Variants in ABCD3 observed in about 807,000 individuals in gnomAD.
The protein encoded by ABCD3 is ATP binding cassette subfamily D member 3.
A neutral mutation model predicts 105.5 loss-of-function variants in ABCD3; 41 were observed. The observed-to-expected ratio is 0.39, with a 90% CI of 0.30 to 0.50. The LOEUF is 0.50. Among genes scored for constraint, ABCD3 ranks in the 20% least tolerant of loss-of-function variants. The probability of loss-of-function intolerance (pLI) is 0.84; values close to 1 mark genes in which losing one functional copy is unlikely to be tolerated. For missense variants in ABCD3, 622 were observed against 806.3 expected, an observed-to-expected ratio of 0.77 and a Z score of 2.77; for synonymous variants, 258 against 269.0, an observed-to-expected ratio of 0.96 and a Z score of 0.40.
intron 20 of ABCD3, among the ~76,000 whole-genome samples, chr1:94,504,627 C>T (rs190357079): frequency 9.9e-5 from 15 of 152,162 alleles, no homozygotes. Flanking sequence ...GGGGTTAGAG[C>T]GTGAGTAGAA....
intron 1 of ABCD3, among the ~76,000 whole-genome samples, chr1:94,452,899 A>G (rs1647325736): frequency 6.6e-6 from 1 of 151,900 alleles, no homozygotes; most frequent in Non-Finnish European, 1.5e-5. Context: ...CACCACGCCC[A>G]GCTAATTTTT....
chr1:94,495,362 A>G (rs532221069), intron 16 of ABCD3, among the ~76,000 whole-genome samples: 3 of 152,194 alleles, frequency 2.0e-5, no homozygotes, highest in Admixed American at 1.3e-4. Flanking sequence ...CAATAATACA[A>G]TGCTGTTAAG....
intron 7 of ABCD3, among the ~76,000 whole-genome samples, chr1:94,477,222 T>C (rs1441510440): frequency 6.6e-5 from 2 of 30,188 alleles, no homozygotes; most frequent in African/African-American, 2.6e-4. Context: ...TGATAACTTA[T>C]AAGGCAAAAA....
At chr1:94,417,347 G>T (rs1659055578), upstream of ABCD3, among the ~76,000 whole-genome samples, 1 of 152,158 alleles carries the variant, frequency 6.6e-6, no homozygotes, top group Non-Finnish European at 1.5e-5. Context: ...TACTTTGTAG[G>T]CTACTTTAAT....
intron 16 of ABCD3, 43 bp from the exon 17 acceptor site, chr1:94,498,559 T>G (rs1198178801): frequency 1.9e-6 from 3 of 1,590,682 alleles, no homozygotes; most frequent in Admixed American, 1.7e-5. Context: ...ATATGTTAAT[T>G]TGATTTAATT....
rs1649993029 is a variant in ABCD3 at position 94,499,578 on chromosome 1, G to A, written c.1704G>A (p.Met568Ile). The change falls in exon 20 of 23, where the codon ATG becomes ATA. Residue 568 changes from methionine (M) to isoleucine (I), a missense_variant. Physicochemically the swap from Met to Ile is conservative, Grantham distance 10. This residue lies in a region of ABCD3 where 285 missense variants were observed against 352.5 expected (regional missense o/e 0.81). Transcript: ENST00000370214. ...EGGWDSVQDWMDVLSGGEKQR... is the reference protein window; with the variant it reads ...EGGWDSVQDWIDVLSGGEKQR... ...GCTGGGACAGTGTTCAGGATTGGAT[G>A]GACGTACTCAGTGGTGGAGAAAAGC... 1 of 1,613,690 alleles carries A rather than the reference G, an allele frequency of 6.2e-7. No individual in the cohort carries two copies. Among genetic ancestry groups the A allele is most frequent in the South Asian group, 1.1e-5 (1 of 91,080 alleles).
intron 1 of ABCD3, among the ~76,000 whole-genome samples, chr1:94,455,574 CT>C (rs1647511268): frequency 6.6e-6 from 1 of 152,158 alleles, no homozygotes; most frequent in Non-Finnish European, 1.5e-5. Flanking sequence ...ATCCTCCCAC[CT>C]TAACCTCCCA....
the ABCD3 span, among the ~76,000 whole-genome samples, chr1:94,405,801 T>G: frequency 2.0e-5 from 3 of 152,328 alleles, no homozygotes; most frequent in East Asian, 5.8e-4. Flanking sequence ...TCCTTAAGTT[T>G]TATAAGTTCT....
At chr1:94,396,610 TGC>T in the ABCD3 span, among the ~76,000 whole-genome samples, 24 of 144,078 alleles carry the variant, frequency 1.7e-4, no homozygotes, top group African/African-American at 4.7e-4. Flanking sequence ...TGTGTGTGTG[TGC>T]GCGCGCGCAC....
intron 1 of ABCD3, among the ~76,000 whole-genome samples, chr1:94,428,482 A>G (rs1659554083): frequency 6.6e-6 from 1 of 152,236 alleles, no homozygotes; most frequent in Admixed American, 6.5e-5. Flanking sequence ...TTTTAAAAAT[A>G]TTTATACAGC....
intron 5 of ABCD3, 135 bp downstream of exon 5, chr1:94,473,970 A>T: frequency 1.5e-6 from 1 of 675,258 alleles, no homozygotes; most frequent in Admixed American, 2.9e-5. Context: ...TTTGTAATTT[A>T]TAATATAATT....
At chr1:94,414,060 G>C (rs948498129), upstream of ABCD3, among the ~76,000 whole-genome samples, 3 of 152,134 alleles carry the variant, frequency 2.0e-5, no homozygotes, top group Non-Finnish European at 2.9e-5. Context: ...TGAATAGCAG[G>C]CATCTATCTC....
intron 1 of ABCD3, among the ~76,000 whole-genome samples, chr1:94,443,702 A>G (rs1382006340): frequency 2.0e-5 from 3 of 152,100 alleles, no homozygotes; most frequent in Non-Finnish European, 2.9e-5. Flanking sequence ...CTACATGGCT[A>G]TGTAATTTTC....
At chr1:94,445,486 A>G (rs1228545992) in intron 1 of ABCD3, among the ~76,000 whole-genome samples, 1 of 152,146 alleles carries the variant, frequency 6.6e-6, no homozygotes, top group East Asian at 1.9e-4. Context: ...CCACCTTGGA[A>G]CCTTTTCACA....
intron 16 of ABCD3, among the ~76,000 whole-genome samples, chr1:94,492,684 G>A (rs958603798): frequency 1.1e-4 from 16 of 152,078 alleles, no homozygotes; most frequent in South Asian, 4.1e-4. Context: ...TAAAAAGGAC[G>A]TGAGACTTCG....
chr1:94,445,867 G>A (rs1406194929), intron 1 of ABCD3, among the ~76,000 whole-genome samples: 1 of 152,094 alleles, frequency 6.6e-6, no homozygotes, highest in African/African-American at 2.4e-5. Flanking sequence ...GCTGCTCTGC[G>A]ACCTATTAGA....
At chr1:94,467,840 A>G (rs1488561022) in intron 3 of ABCD3, 79 bp from the exon 4 acceptor site, 2 of 1,065,172 alleles carry the variant, frequency 1.9e-6, no homozygotes, top group African/African-American at 3.1e-5. Context: ...TTTGGAAACC[A>G]AAAATTGTTA....
chr1:94,402,163 G>A, the ABCD3 span, among the ~76,000 whole-genome samples: 1 of 152,134 alleles, frequency 6.6e-6, no homozygotes, highest in Non-Finnish European at 1.5e-5. Flanking sequence ...TTCATTGTCT[G>A]GATATACCAC....
intron 1 of ABCD3, among the ~76,000 whole-genome samples, chr1:94,453,613 C>T (rs1647380523): frequency 6.6e-6 from 1 of 151,942 alleles, no homozygotes; most frequent in Non-Finnish European, 1.5e-5. Context: ...CCACCGCGCC[C>T]AGCCGGAAAA....
Sources: allele counts gnomAD v4.1 joint callset (sites outside exome capture counted in the v4.1 genomes callset), GRCh38; gene constraint gnomAD v4.1.1; regional missense constraint gnomAD v4.1.1; transcripts MANE v1.5; gene names NCBI Gene and HGNC (gene_info 2026-07-23, HGNC 2026-07-21).